The following SPATA3 variants were observed in gnomAD, a reference collection of about 807,000 sequenced individuals.
SPATA3 encodes the protein spermatogenesis-associated protein 3.
SPATA3 carries 6 observed loss-of-function variants against 5.7 expected under a neutral mutation model. The ratio of observed to expected loss-of-function variants is 1.06; its 90% CI spans 0.58 to 2.09. The LOEUF is 2.09. Among genes scored for constraint, SPATA3 ranks in the 30% most tolerant of loss-of-function variants. The pLI is 0.00. For synonymous variants in SPATA3, 44 were observed against 48.4 expected (o/e 0.91, Z 0.37); for missense variants, 155 against 130.4 (o/e 1.19, Z -0.92).
At chr2:231,000,408 C>T in exon 2 of SPATA3, 11 of 1,540,028 alleles carry the variant, frequency 7.1e-6, no homozygotes, top group Non-Finnish European at 9.7e-6. Flanking sequence ...TCCTGTGCCA[C>T]TTGCCCCTGC....
At chr2:231,011,353 G>A (rs1456578951), downstream of SPATA3, among the ~76,000 whole-genome samples, 1 of 152,108 alleles carries the variant, frequency 6.6e-6, no homozygotes, top group African/African-American at 2.4e-5. Context: ...GACTTCAAGT[G>A]ATCTGCCCAC....
At chr2:231,007,764 C>T (rs557994112), downstream of SPATA3, among the ~76,000 whole-genome samples, 43 of 152,312 alleles carry the variant, frequency 2.8e-4, no homozygotes, top group East Asian at 9.6e-4. Context: ...GTGCCTGGTG[C>T]GATTCTACCT....
chr2:230,997,216 G>A (rs987508676), intron 1 of SPATA3, among the ~76,000 whole-genome samples: 1 of 152,266 alleles, frequency 6.6e-6, no homozygotes, highest in African/African-American at 2.4e-5. Context: ...TCTTTTCCGT[G>A]GTGTTCTCGT....
chr2:231,008,725 C>T (rs2125116985), downstream of SPATA3, among the ~76,000 whole-genome samples: 1 of 152,272 alleles, frequency 6.6e-6, no homozygotes, highest in East Asian at 1.9e-4. Context: ...TATTGAGGTC[C>T]CCCTTTGTTG....
At chr2:231,001,513 C>T (rs554251905) in intron 2 of SPATA3, among the ~76,000 whole-genome samples, 5 of 152,072 alleles carry the variant, frequency 3.3e-5, no homozygotes, top group Admixed American at 6.5e-5. Context: ...AAATAGATAC[C>T]GGGGCGTGTG....
At chr2:231,002,443 C>A (rs1692387617) in intron 2 of SPATA3, among the ~76,000 whole-genome samples, 1 of 152,176 alleles carries the variant, frequency 6.6e-6, no homozygotes, top group Non-Finnish European at 1.5e-5. Context: ...TGGTCCCCTT[C>A]TGAGTGTTCA....
At chr2:231,015,879 T>TATTCCC (rs1333103138) in intron 6 of SPATA3, among the ~76,000 whole-genome samples, 1 of 152,252 alleles carries the variant, frequency 6.6e-6, no homozygotes, top group Non-Finnish European at 1.5e-5. Context: ...TAAAGTGGCA[T>TATTCCC]ATTCCCACGG....
In SPATA3 at chr2:231,001,042, C is replaced by T. The variant is rs141395833; in HGVS notation, c.962+505C>T. Among the ~76,000 whole-genome samples the T allele has an allele frequency of 4.6e-3, 694 of 152,296 alleles. 6 individuals are homozygous for T. Among genetic ancestry groups the T allele is most frequent in the African/African-American group, 0.016 (647 of 41,548 alleles). ...ATGCCTCCTCCACACAATAGCAAGA[C>T]GTCAGCCCCCTTCAGACTGTGCTGG... On this transcript the variant is annotated intron_variant, in intron 2 of 2. Coordinates refer to ENST00000645363, the Ensembl canonical transcript of SPATA3.
downstream of SPATA3, among the ~76,000 whole-genome samples, chr2:231,010,065 T>C (rs1478606892): frequency 6.6e-6 from 1 of 152,250 alleles, no homozygotes; most frequent in Non-Finnish European, 1.5e-5. Context: ...TAACTAAGAC[T>C]GCTGTGGCTG....
downstream of SPATA3, among the ~76,000 whole-genome samples, chr2:231,002,985 C>T (rs930758845): frequency 2.6e-5 from 4 of 152,160 alleles, no homozygotes; most frequent in Non-Finnish European, 2.9e-5. Context: ...TCAGATGACG[C>T]TAGACTCATT....
downstream of SPATA3, among the ~76,000 whole-genome samples, chr2:231,003,637 A>T (rs1427001537): frequency 1.3e-5 from 2 of 152,112 alleles, no homozygotes; most frequent in Non-Finnish European, 2.9e-5. Flanking sequence ...TAGGGACTGC[A>T]TGTCTTTGTG....
intron 1 of SPATA3, among the ~76,000 whole-genome samples, chr2:230,997,305 C>T (rs137998881): frequency 0.01 from 1,565 of 152,282 alleles, 21 homozygotes; most frequent in African/African-American, 0.033. Context: ...TCTTGTCTGC[C>T]GCCATGTGAG....
At chr2:231,011,068 G>C (rs1309991959), downstream of SPATA3, among the ~76,000 whole-genome samples, 1 of 41,554 alleles carries the variant, frequency 2.4e-5, no homozygotes, top group Admixed American at 3.1e-4. Flanking sequence ...AGGAGACCCT[G>C]TCTCAAAAAA....
At chr2:231,009,005 G>C (rs11888635), downstream of SPATA3, among the ~76,000 whole-genome samples, 5,690 of 151,998 alleles carry the variant, frequency 0.037, 236 homozygotes, top group South Asian at 0.17. Context: ...TGTCCCTCCT[G>C]GTACCCATCA....
At chr2:231,011,057 AAGG>A (rs1692768737), downstream of SPATA3, among the ~76,000 whole-genome samples, 1 of 122,348 alleles carries the variant, frequency 8.2e-6, no homozygotes, top group African/African-American at 3.2e-5. Flanking sequence ...TGGGTGACAA[AAGG>A]AGACCCTGTC....
intron 6 of SPATA3, among the ~76,000 whole-genome samples, chr2:231,015,519 C>T (rs1218900344): frequency 6.6e-6 from 1 of 152,178 alleles, no homozygotes; most frequent in Non-Finnish European, 1.5e-5. Context: ...GCAGGATTGA[C>T]CCACAAGGTC....
intron 1 of SPATA3, among the ~76,000 whole-genome samples, chr2:230,998,691 C>T (rs1692227493): frequency 6.6e-6 from 1 of 152,186 alleles, no homozygotes; most frequent in African/African-American, 2.4e-5. Context: ...GCCAGTCTTC[C>T]ACTAGGATGG....
In SPATA3 at chr2:231,002,758, G is replaced by A. The variant is rs1438427960; in HGVS notation, c.1037G>A (p.Gly346Glu). The A allele has an allele frequency of 2.6e-6, 4 of 1,527,746 alleles. No homozygotes were observed. In the African/African-American group the frequency reaches 5.6e-5, roughly 21 times the overall value. The allele number at this position is 1,527,746 out of a possible 1,614,324, so 94.6% of individuals were successfully genotyped here. A position where few individuals can be genotyped will look rare whatever the true frequency, so the allele number is the denominator to read the frequency against. ...CCTCGGAACTGTGGCTGTGGCTCTG[G>A]GGGCTCTAGGAGCTGCCTACTACAT... Residue 346 changes from glycine to glutamate, a missense_variant, in exon 3 of 3, where the codon GGG (glycine) becomes GAG (glutamate). Coordinates refer to ENST00000645363, the Ensembl canonical transcript of SPATA3.
intron 6 of SPATA3, among the ~76,000 whole-genome samples, chr2:231,016,506 C>CAAAAAAA (rs749712082): frequency 2.9e-5 from 2 of 70,016 alleles, no homozygotes; most frequent in African/African-American, 5.3e-5. Context: ...CCTGTCTCTA[C>CAAAAAAA]AAAAAAAAAA....
Sources: allele counts gnomAD v4.1 joint callset (sites outside exome capture counted in the v4.1 genomes callset), GRCh38; gene constraint gnomAD v4.1.1; transcripts MANE v1.5; gene names NCBI Gene and HGNC (gene_info 2026-07-23, HGNC 2026-07-21).